Variants in KCND3 observed in about 807,000 individuals in gnomAD.
KCND3 encodes A-type voltage-gated potassium channel KCND3.
In KCND3, 9 loss-of-function variants were observed where a neutral mutation model predicts 51.1. The ratio of observed to expected loss-of-function variants is 0.18; its 90% CI spans 0.11 to 0.31. The LOEUF is 0.31. Ranked by LOEUF, KCND3 falls within the 10% of genes least tolerant of loss-of-function variation. The pLI is 1.00. For missense variants in KCND3, 526 were observed against 903.8 expected (o/e 0.58, Z 5.36); for synonymous variants, 349 against 368.0 (o/e 0.95, Z 0.59).
intron 2 of KCND3, among the ~76,000 whole-genome samples, chr1:111,964,874 T>C (rs1286827940): frequency 6.6e-6 from 1 of 152,128 alleles, no homozygotes; most frequent in East Asian, 1.9e-4. Context: ...TCTTTAACTC[T>C]GCCAATGAGC....
intron 2 of KCND3, among the ~76,000 whole-genome samples, chr1:111,921,406 A>G (rs1671471630): frequency 6.6e-6 from 1 of 152,184 alleles, no homozygotes; most frequent in South Asian, 2.1e-4. Context: ...CATCTCAGAG[A>G]ATACAAGAGT....
intron 2 of KCND3, among the ~76,000 whole-genome samples, chr1:111,801,447 G>C (rs1665303575): frequency 6.6e-6 from 1 of 152,214 alleles, no homozygotes; most frequent in Non-Finnish European, 1.5e-5. Context: ...CTTCCCTGAG[G>C]TTCAGTCCTG....
At chr1:111,988,819 A>C (rs1336042967) in intron 1 of KCND3, 4 of 152,172 alleles carry the variant, frequency 2.6e-5, no homozygotes, top group Non-Finnish European at 5.9e-5. Flanking sequence ...TGCCCGGGAT[A>C]AAAGCAGAAC....
intron 2 of KCND3, among the ~76,000 whole-genome samples, chr1:111,793,015 G>A (rs1664904031): frequency 6.6e-6 from 1 of 151,168 alleles, no homozygotes; most frequent in Non-Finnish European, 1.5e-5. Context: ...GACTGCACGT[G>A]GTTGCCACCA....
chr1:111,981,351 G>A lies in KCND3; in HGVS notation c.1106+270C>T, dbSNP rs1010972365. Among the ~76,000 whole-genome samples, 7 of 151,734 alleles carry A rather than the reference G, an allele frequency of 4.6e-5. No homozygotes were observed. Among genetic ancestry groups the A allele is most frequent in the African/African-American group, 9.7e-5 (4 of 41,286 alleles). On this transcript the variant is annotated intron_variant, in intron 2 of 7. Transcript: ENST00000302127. The surrounding 1 kb of genome is among the most constrained non-coding windows in gnomAD (Gnocchi z 6.2). Reference sequence around the variant, plus strand: ...GAGACTTCACACGCACACAAGGCATGGCTGAAAAAAGAATTGGTGACTTAA... The same window carrying A: ...GAGACTTCACACGCACACAAGGCATAGCTGAAAAAAGAATTGGTGACTTAA...
intron 2 of KCND3, among the ~76,000 whole-genome samples, chr1:111,967,115 G>C (rs1674038471): frequency 6.6e-6 from 1 of 150,620 alleles, no homozygotes; most frequent in South Asian, 2.1e-4. Flanking sequence ...ACTTCAGCTT[G>C]GGAGACAAGA....
chr1:111,981,911 G>T lies in KCND3; in HGVS notation c.816C>A (p.Ile272=), dbSNP rs766882991. ...CCTCGTTGTTGGTCATGACCAGACC[G>T]ATGTAGTAGGGCATGATGGCCACCA... ...IDVVAIMPYY[I]GLVMTNNEDV... The change falls in exon 2 of 8, where the codon ATC becomes ATA. Residue 272 remains isoleucine (I), a synonymous_variant. Transcript: ENST00000302127. The surrounding 1 kb of genome is among the most constrained non-coding windows in gnomAD (Gnocchi z 6.2). 4 of 1,613,988 alleles carry T rather than the reference G, an allele frequency of 2.5e-6. No individual in the cohort carries two copies. The East Asian group carries it at 8.9e-5, about 36-fold the overall frequency.
At chr1:111,965,099 A>T (rs1673895797) in intron 2 of KCND3, among the ~76,000 whole-genome samples, 1 of 145,240 alleles carries the variant, frequency 6.9e-6, no homozygotes, top group Admixed American at 6.9e-5. Context: ...TTTTTTTTGT[A>T]AACAGGACTG....
chr1:111,868,420 T>C (rs992348925), intron 2 of KCND3, among the ~76,000 whole-genome samples: 1 of 152,066 alleles, frequency 6.6e-6, no homozygotes, highest in African/African-American at 2.4e-5. Flanking sequence ...AACACAAGAG[T>C]ACAGTGCCTA....
chr1:111,837,702 G>A (rs890210344), intron 2 of KCND3, among the ~76,000 whole-genome samples: 3 of 152,150 alleles, frequency 2.0e-5, no homozygotes, highest in Non-Finnish European at 2.9e-5. Flanking sequence ...GCCCAGCACC[G>A]TGGATTGAGA....
chr1:111,790,704 T>C (rs894558784), intron 2 of KCND3, among the ~76,000 whole-genome samples: 1 of 152,230 alleles, frequency 6.6e-6, no homozygotes, highest in Non-Finnish European at 1.5e-5. Context: ...AAAAGAAATG[T>C]GTACCCATTA....
chr1:111,952,370 C>T (rs1673101603), intron 2 of KCND3, among the ~76,000 whole-genome samples: 1 of 152,174 alleles, frequency 6.6e-6, no homozygotes, highest in Non-Finnish European at 1.5e-5. Context: ...TTCTGCCTCA[C>T]ACTCTCCCAT....
intron 2 of KCND3, among the ~76,000 whole-genome samples, chr1:111,829,590 AAG>A (rs1429924997): frequency 6.6e-6 from 1 of 152,180 alleles, no homozygotes; most frequent in Non-Finnish European, 1.5e-5. Flanking sequence ...TGGCAGGAAT[AAG>A]TGTCCCCGGT....
At chr1:111,953,354 C>T (rs771062192) in intron 2 of KCND3, among the ~76,000 whole-genome samples, 2 of 152,058 alleles carry the variant, frequency 1.3e-5, no homozygotes, top group Non-Finnish European at 2.9e-5. Context: ...GAGTGAGGGG[C>T]GTTAAGAAAA....
intron 2 of KCND3, among the ~76,000 whole-genome samples, chr1:111,825,811 T>C (rs1205963961): frequency 2.6e-5 from 4 of 152,342 alleles, no homozygotes; most frequent in African/African-American, 9.6e-5. Context: ...ATGGATGCAT[T>C]CTGATTCTTT....
chr1:111,959,873 T>C (rs1316515998), intron 2 of KCND3, among the ~76,000 whole-genome samples: 6 of 152,024 alleles, frequency 3.9e-5, no homozygotes, highest in Non-Finnish European at 7.4e-5. Flanking sequence ...GTAATCCCCA[T>C]ATGTTGTGAG....
At chr1:111,961,374 C>T (rs1452018107) in intron 2 of KCND3, among the ~76,000 whole-genome samples, 2 of 152,208 alleles carry the variant, frequency 1.3e-5, no homozygotes, top group Admixed American at 6.5e-5. Flanking sequence ...ATTGTTTCCT[C>T]GTTCCCTCCA....
At chr1:111,867,374 T>C (rs1056250895) in intron 2 of KCND3, among the ~76,000 whole-genome samples, 2 of 152,250 alleles carry the variant, frequency 1.3e-5, no homozygotes, top group African/African-American at 4.8e-5. Context: ...CATCAGGATT[T>C]ACTGAAAACA....
At chr1:111,867,273 T>C (rs1191895184) in intron 2 of KCND3, among the ~76,000 whole-genome samples, 1 of 152,168 alleles carries the variant, frequency 6.6e-6, no homozygotes, top group Non-Finnish European at 1.5e-5. Context: ...TACCTTGGCA[T>C]GCCTGATGCC....
Sources: allele counts gnomAD v4.1 joint callset (sites outside exome capture counted in the v4.1 genomes callset), GRCh38; gene constraint gnomAD v4.1.1; non-coding constraint Gnocchi (gnomAD v3.1); transcripts MANE v1.5; gene names NCBI Gene and HGNC (gene_info 2026-07-23, HGNC 2026-07-21).